The following MCM8 variants were observed in gnomAD, a reference collection of about 807,000 sequenced individuals.
MCM8 encodes DNA helicase MCM8.
In MCM8, 85 loss-of-function variants were observed where a neutral mutation model predicts 98.9. The observed-to-expected ratio is 0.86, with a 90% CI of 0.72 to 1.03. The LOEUF (loss-of-function observed/expected upper bound fraction) is 1.03, where lower values mean the gene tolerates loss of function less well. Among genes scored for constraint, MCM8 ranks in the 50% least tolerant of loss-of-function variants. The pLI, the probability that MCM8 is intolerant of heterozygous loss-of-function variation, is 0.00. For missense variants in MCM8, 951 were observed against 997.8 expected (o/e 0.95, Z 0.63); for synonymous variants, 352 against 338.6 (o/e 1.04, Z -0.44).
chr20:5,983,210 T>C lies in MCM8; in HGVS notation c.1733+45T>C, dbSNP rs746909654. 7 of 1,448,830 alleles carry C rather than the reference T, an allele frequency of 4.8e-6. No homozygotes were observed. The Admixed American group carries it at 1.1e-4, about 22-fold the overall frequency. 89.7% of individuals were successfully genotyped at this position (1,448,830 alleles called of 1,614,324 possible). On this transcript the variant is annotated intron_variant, in intron 14 of 18. Coordinates refer to ENST00000610722, the MANE Select transcript of MCM8 (RefSeq NM_032485.6). Reference sequence around the variant, plus strand: ...TATACCTTTAATGTATTGAATCACTTTAATTCAATAAGAAAAAGAAATAGT... The same window carrying C: ...TATACCTTTAATGTATTGAATCACTCTAATTCAATAAGAAAAAGAAATAGT...
Position 5,954,563 on chromosome 20 carries a change from G to T in MCM8, c.254-45G>T, listed in dbSNP as rs374692562. The T allele has an allele frequency of 1.2e-5, 13 of 1,099,686 alleles. No homozygotes were observed. In the South Asian group the frequency reaches 1.5e-4, roughly 13 times the overall value. The allele number at this position is 1,099,686 out of a possible 1,614,324, so 68.1% of individuals were successfully genotyped here. ...CTTTTGTCTCATGAAAAATGTGCAT[G>T]TACCTGTGTGATTATTTGTGCTAAT... On this transcript the variant is annotated intron_variant, in intron 3 of 18. Transcript: ENST00000610722.
At chr20:5,993,948 C>T in intron 18 of MCM8, 1 of 365,566 alleles carries the variant, frequency 2.7e-6, no homozygotes, top group South Asian at 6.9e-5. Flanking sequence ...ATGATTATAC[C>T]AATTCCTACT....
chr20:5,969,147 C>G (rs949048295), intron 10 of MCM8, among the ~76,000 whole-genome samples: 10 of 152,156 alleles, frequency 6.6e-5, no homozygotes, highest in South Asian at 4.1e-4. Flanking sequence ...ATGTACTTAA[C>G]ATAACTACTG....
At chr20:5,957,252 G>A (rs1314702246) in intron 6 of MCM8, 23 bp downstream of exon 6, 3 of 1,570,478 alleles carry the variant, frequency 1.9e-6, no homozygotes, top group Admixed American at 3.4e-5. Context: ...ATGTATTAAA[G>A]TATTACTTAG....
At chr20:5,980,315 A>G (rs778100029) in intron 13 of MCM8, among the ~76,000 whole-genome samples, 2 of 152,116 alleles carry the variant, frequency 1.3e-5, no homozygotes, top group East Asian at 1.9e-4. Context: ...ATAAGCTTCC[A>G]AGAGCAGGGA....
intron 17 of MCM8, among the ~76,000 whole-genome samples, 199 bp downstream of exon 17, chr20:5,987,557 AC>A (rs528386451): frequency 6.4e-4 from 97 of 152,330 alleles, no homozygotes; most frequent in Middle Eastern, 6.8e-3. Context: ...AATGAGTAAT[AC>A]ATTTACATAG....
intron 13 of MCM8, 111 bp downstream of exon 13, chr20:5,978,128 C>T: frequency 8.1e-7 from 1 of 1,232,256 alleles, no homozygotes; most frequent in Non-Finnish European, 1.1e-6. Flanking sequence ...ATAGCAAAGT[C>T]CTAACCAGTA....
chr20:5,987,223 A>G lies in MCM8; in HGVS notation c.2164-59A>G, dbSNP rs1236053636. 3 of 1,503,428 alleles carry G rather than the reference A, an allele frequency of 2.0e-6. No homozygotes were observed. The African/African-American group carries it at 4.2e-5, about 21-fold the overall frequency. The allele number at this position is 1,503,428 out of a possible 1,614,324, so 93.1% of individuals were successfully genotyped here. A position where few individuals can be genotyped will look rare whatever the true frequency, so the allele number is the denominator to read the frequency against. The stretch of plus-strand genomic sequence containing the variant: ...AACAAGTAAATGAAGTAAAGCTTAG[A>G]CATACTATGGTAAATATATTCATCT... On this transcript the variant is annotated intron_variant, in intron 16 of 18. Transcript: ENST00000610722.
At chr20:5,975,686 C>T (rs1006755084) in intron 12 of MCM8, among the ~76,000 whole-genome samples, 18 of 151,526 alleles carry the variant, frequency 1.2e-4, no homozygotes, top group Admixed American at 3.3e-4. Context: ...TTAGTAGAGA[C>T]GGGGTTTCAC....
At chr20:5,958,857 A>G (rs1368854643) in intron 7 of MCM8, 131 bp downstream of exon 7, 1 of 804,316 alleles carries the variant, frequency 1.2e-6, no homozygotes, top group Non-Finnish European at 1.9e-6. Flanking sequence ...CTGCTTTTAT[A>G]TTATGAAATA....
rs1298282754 is a variant in MCM8 at position 5,996,521 on chromosome 20, TA to T, written c.*2133del. ...ACAGAGTGAGACTCTTTCTCCAAAC[TA>T]AATAAGAGATATTTAAAGCTGAAAA... On this transcript the variant is annotated 3_prime_UTR_variant, in exon 19 of 19. Transcript: ENST00000610722. The T allele has an allele frequency of 1.3e-4, 20 of 148,538 alleles. No homozygotes were observed. Among genetic ancestry groups the T allele is most frequent in the African/African-American group, 4.6e-4 (19 of 41,188 alleles). 9.2% of individuals were successfully genotyped at this position (148,538 alleles called of 1,614,324 possible).
intron 7 of MCM8, 126 bp downstream of exon 7, chr20:5,958,852 T>A: frequency 1.1e-6 from 1 of 875,300 alleles, no homozygotes; most frequent in South Asian, 1.9e-5. Context: ...ATTTTCTGCT[T>A]TTATATTATG....
intron 7 of MCM8, among the ~76,000 whole-genome samples, chr20:5,962,588 A>G: frequency 1.4e-5 from 1 of 69,382 alleles, no homozygotes; most frequent in Non-Finnish European, 2.2e-5. Flanking sequence ...GTTAGCCAGG[A>G]TGGTCTCGAT....
chr20:5,972,918 C>A, intron 11 of MCM8, 138 bp from the exon 12 acceptor site: 2 of 1,339,286 alleles, frequency 1.5e-6, no homozygotes, highest in Non-Finnish European at 2.0e-6. Flanking sequence ...TTTTAGACTT[C>A]CTTTTCTTAG....
intron 8 of MCM8, among the ~76,000 whole-genome samples, chr20:5,965,935 C>T (rs903995798): frequency 7.2e-5 from 11 of 152,034 alleles, no homozygotes; most frequent in Admixed American, 5.9e-4. Context: ...ACCTGCATTC[C>T]TGCTTCATCC....
In MCM8 at chr20:5,994,920, AAAAAAAATTGT is replaced by A; in HGVS notation, c.*531_*541del. 5.8e-6 allele frequency: 1 copy of A among 173,712 alleles called. No individual in the cohort carries two copies. Among genetic ancestry groups the A allele is most frequent in the East Asian group, 1.5e-4 (1 of 6,550 alleles). The allele number at this position is 173,712 out of a possible 1,614,324, so 10.8% of individuals were successfully genotyped here. On this transcript the variant is annotated 3_prime_UTR_variant, in exon 19 of 19. Coordinates refer to ENST00000610722, the MANE Select transcript of MCM8 (RefSeq NM_032485.6). ...AAAGTAACTCTTGACTCAAAAAAAT[AAAAAAAATTGT>A]AGTGGTAGCCATGTGTTAATTGTTA...
chr20:5,987,394 AC>A, intron 17 of MCM8, 36 bp downstream of exon 17: 1 of 1,542,646 alleles, frequency 6.5e-7, no homozygotes, highest in Non-Finnish European at 8.9e-7. Flanking sequence ...TAAATGAAAT[AC>A]CAGTTATCTT....
intron 8 of MCM8, 145 bp downstream of exon 8, chr20:5,963,504 A>T (rs2089201704): frequency 8.8e-6 from 4 of 456,490 alleles, no homozygotes; most frequent in South Asian, 6.8e-5. Flanking sequence ...TTTGATGAAG[A>T]GTTTGTATGT....
In MCM8 at chr20:5,958,699, A is replaced by C. The variant is rs1441764315; in HGVS notation, c.762A>C (p.Pro254=). 4 of 1,614,080 alleles carry C rather than the reference A, an allele frequency of 2.5e-6. No homozygotes were observed. The highest frequency in any genetic ancestry group is 1.7e-5 in the Admixed American group (1 of 60,006). ...GAGAAATTCAGAGCTTTCCTCTTCC[A>C]GATGGAAAATACAGTCTTCCCACAA... is the stretch of plus-strand genomic sequence containing the variant. ...ACGEIQSFPL[P]DGKYSLPTKC... Residue 254 remains proline (P), a synonymous_variant, in exon 7 of 19, where the codon CCA becomes CCC. Transcript: ENST00000610722.
Sources: gnomAD v4.1 joint callset for allele counts (sites outside exome capture counted in the v4.1 genomes callset) on GRCh38, gnomAD v4.1.1 for gene constraint, MANE v1.5 for transcripts, NCBI Gene and HGNC (gene_info 2026-07-23, HGNC 2026-07-21) for gene names.